GPR158: variants seen among roughly 807,000 people sequenced by gnomAD.
The protein encoded by GPR158 is metabotropic glycine receptor.
In GPR158, 30 loss-of-function variants were observed where a neutral mutation model predicts 78.2. The ratio of observed to expected loss-of-function variants is 0.38; its 90% CI spans 0.29 to 0.52. The LOEUF is 0.52. Ranked by LOEUF, GPR158 falls within the 20% of genes least tolerant of loss-of-function variation. GPR158 has a pLI of 0.83. For synonymous variants in GPR158, 581 were observed against 591.1 expected, an observed-to-expected ratio of 0.98 and a Z score of 0.25; for missense variants, 1,463 against 1,523.5, an observed-to-expected ratio of 0.96 and a Z score of 0.66.
chr10:25,216,351 C>T (rs1412732956), intron 1 of GPR158, among the ~76,000 whole-genome samples: 1 of 152,068 alleles, frequency 6.6e-6, no homozygotes, highest in Non-Finnish European at 1.5e-5. Context: ...AATTATTGTC[C>T]AAGGTAACAT....
chr10:25,530,227 A>G (rs369915568), intron 5 of GPR158, among the ~76,000 whole-genome samples: 3 of 152,206 alleles, frequency 2.0e-5, no homozygotes, highest in African/African-American at 7.2e-5. Flanking sequence ...GTGTTATTAA[A>G]AAAACAAACA....
chr10:25,221,100 A>C lies in GPR158; in HGVS notation c.951A>C (p.Gln317His). ...ATCTTCAGAAAGTGGACATTGACCA[A>C]TGCTCAAGTGATGGCTGGTTTTCAG... ...DINLQKVDID[Q>H]CSSDGWFSGT... The change falls in exon 2 of 11, where the codon CAA becomes CAC. Residue 317 changes from glutamine to histidine, a missense_variant. Coordinates refer to ENST00000376351, the MANE Select transcript of GPR158 (RefSeq NM_020752.3). The C allele has an allele frequency of 6.2e-7, 1 of 1,604,808 alleles. No homozygotes were observed. Among genetic ancestry groups the C allele is most frequent in the Non-Finnish European group, 8.5e-7 (1 of 1,172,246 alleles).
At chr10:25,226,660 T>G (rs996249468) in intron 2 of GPR158, among the ~76,000 whole-genome samples, 5 of 152,210 alleles carry the variant, frequency 3.3e-5, no homozygotes, top group African/African-American at 9.6e-5. Context: ...TCTTTTCTCC[T>G]ATTACTAGTG....
intron 5 of GPR158, among the ~76,000 whole-genome samples, chr10:25,497,672 T>C (rs1003817148): frequency 4.6e-5 from 7 of 152,206 alleles, no homozygotes; most frequent in African/African-American, 1.4e-4. Context: ...AAATACTATA[T>C]GCTGTGTGCT....
chr10:25,361,256 T>C (rs541672604), intron 2 of GPR158, among the ~76,000 whole-genome samples: 3 of 152,088 alleles, frequency 2.0e-5, no homozygotes, highest in African/African-American at 7.2e-5. Flanking sequence ...TTGTGGCATA[T>C]GATGGGATTT....
In GPR158 at chr10:25,588,989, G is replaced by A; in HGVS notation, c.1754-18G>A. The A allele has an allele frequency of 6.6e-7, 1 of 1,513,898 alleles. No individual in the cohort carries two copies. The highest frequency in any genetic ancestry group is 1.3e-5 in the South Asian group (1 of 76,214). The allele number at this position is 1,513,898 out of a possible 1,614,324, so 93.8% of individuals were successfully genotyped here. ...CTTCACCTATAAAACTCATGAAAAT[G>A]GTTTGTTATTTTCACAGCTGAATTT... On this transcript the variant is annotated intron_variant, in intron 7 of 10. Coordinates refer to ENST00000376351, the MANE Select transcript of GPR158 (RefSeq NM_020752.3).
At chr10:25,312,053 A>G (rs1442340902) in intron 2 of GPR158, among the ~76,000 whole-genome samples, 1 of 151,998 alleles carries the variant, frequency 6.6e-6, no homozygotes, top group Non-Finnish European at 1.5e-5. Context: ...GGCCTTATAC[A>G]AATTTGTAGT....
chr10:25,483,907 T>C (rs1407388552), intron 5 of GPR158, among the ~76,000 whole-genome samples: 2 of 152,198 alleles, frequency 1.3e-5, no homozygotes, highest in Non-Finnish European at 2.9e-5. Context: ...TTAAAAAGTT[T>C]GTTGAATTTC....
intron 2 of GPR158, among the ~76,000 whole-genome samples, chr10:25,253,623 T>G (rs1853846645): frequency 6.6e-6 from 1 of 152,168 alleles, no homozygotes; most frequent in Non-Finnish European, 1.5e-5. Context: ...AAGATATTGG[T>G]AAGATGTAAG....
At chr10:25,529,171 G>A (rs897865454) in intron 5 of GPR158, among the ~76,000 whole-genome samples, 3 of 151,960 alleles carry the variant, frequency 2.0e-5, no homozygotes, top group South Asian at 2.1e-4. Context: ...GGCGGATCAC[G>A]AGGTCAGGAG....
intron 1 of GPR158, among the ~76,000 whole-genome samples, chr10:25,214,025 C>A (rs12258187): frequency 9.9e-5 from 15 of 151,998 alleles, no homozygotes; most frequent in Non-Finnish European, 1.6e-4. Flanking sequence ...GATGGAGTCT[C>A]GCTCTATCGC....
intron 2 of GPR158, among the ~76,000 whole-genome samples, chr10:25,353,547 C>T (rs1855504616): frequency 6.6e-6 from 1 of 151,960 alleles, no homozygotes; most frequent in Non-Finnish European, 1.5e-5. Flanking sequence ...CTCTGAACGT[C>T]TACCTCTTGT....
intron 7 of GPR158, among the ~76,000 whole-genome samples, chr10:25,581,918 A>G (rs1837205503): frequency 6.6e-6 from 1 of 152,216 alleles, no homozygotes; most frequent in African/African-American, 2.4e-5. Context: ...ATGGACTCAC[A>G]GTTCCACATG....
intron 5 of GPR158, among the ~76,000 whole-genome samples, chr10:25,491,292 T>C (rs558234486): frequency 6.6e-6 from 1 of 152,300 alleles, no homozygotes; most frequent in African/African-American, 2.4e-5. Flanking sequence ...GGCAATGAAA[T>C]ATGAACAATG....
At chr10:25,179,083 A>T (rs765982800) in intron 1 of GPR158, among the ~76,000 whole-genome samples, 2 of 152,244 alleles carry the variant, frequency 1.3e-5, no homozygotes, top group African/African-American at 4.8e-5. Flanking sequence ...TGTTAATTTC[A>T]TATATTGAGA....
At chr10:25,468,517 A>G (rs1262581239) in intron 5 of GPR158, among the ~76,000 whole-genome samples, 1 of 152,212 alleles carries the variant, frequency 6.6e-6, no homozygotes, top group Non-Finnish European at 1.5e-5. Context: ...TGTATGCGTA[A>G]TATATACAAG....
Position 25,589,025 on chromosome 10 carries a change from T to C in GPR158, c.1772T>C (p.Leu591Ser), listed in dbSNP as rs748771534. Residue 591 changes from leucine to serine, a missense_variant, in exon 8 of 11, where the codon TTG becomes TCG. Coordinates refer to ENST00000376351, the MANE Select transcript of GPR158 (RefSeq NM_020752.3). ...MTAVAEFLFL[L>S]WGVYLCYAVR... ...TTCACAGCTGAATTTTTATTCCTCTTGTGGGGTGTTTATCTCTGCTATGCA... is the reference window on the plus strand; with the variant it reads ...TTCACAGCTGAATTTTTATTCCTCTCGTGGGGTGTTTATCTCTGCTATGCA... 7.0e-6 allele frequency: 11 copies of C among 1,579,832 alleles called. No homozygotes were observed. The Admixed American group carries it at 1.0e-4, about 15-fold the overall frequency.
intron 2 of GPR158, among the ~76,000 whole-genome samples, chr10:25,300,943 A>G (rs1854584337): frequency 2.0e-5 from 3 of 152,256 alleles, no homozygotes; most frequent in Admixed American, 2.0e-4. Flanking sequence ...CACAGTGGAA[A>G]CATCACTACT....
At chr10:25,383,054 C>G (rs1183885496) in intron 2 of GPR158, among the ~76,000 whole-genome samples, 1 of 152,102 alleles carries the variant, frequency 6.6e-6, no homozygotes, top group Non-Finnish European at 1.5e-5. Context: ...CCAGGCTGGT[C>G]TGGAACACCT....
Sources: gnomAD v4.1 joint callset for allele counts (sites outside exome capture counted in the v4.1 genomes callset) on GRCh38, gnomAD v4.1.1 for gene constraint, MANE v1.5 for transcripts, NCBI Gene and HGNC (gene_info 2026-07-23, HGNC 2026-07-21) for gene names.